Variants in IL23R observed in about 807,000 individuals in gnomAD.
IL23R encodes the protein interleukin-23 receptor.
A neutral mutation model predicts 56.9 loss-of-function variants in IL23R; 34 were observed. The observed-to-expected ratio is 0.60, with a 90% CI of 0.45 to 0.80. The LOEUF (loss-of-function observed/expected upper bound fraction) is 0.80, where lower values mean the gene tolerates loss of function less well. Ranked by LOEUF, IL23R falls within the 30% of genes least tolerant of loss-of-function variation. The pLI, the probability that IL23R is intolerant of heterozygous loss-of-function variation, is 0.00. For synonymous variants in IL23R, 230 were observed against 249.2 expected (o/e 0.92, Z 0.73); for missense variants, 635 against 730.0 (o/e 0.87, Z 1.50).
chr1:67,188,380 T>C (rs1161526966), intron 4 of IL23R, among the ~76,000 whole-genome samples: 1 of 152,230 alleles, frequency 6.6e-6, no homozygotes, highest in Non-Finnish European at 1.5e-5. Flanking sequence ...GATGGGAACC[T>C]GGCAGAAGGG....
intron 5 of IL23R, among the ~76,000 whole-genome samples, chr1:67,201,920 T>A (rs1447583784): frequency 6.6e-6 from 1 of 152,230 alleles, no homozygotes; most frequent in East Asian, 1.9e-4. Context: ...TGTTGGAGAT[T>A]AACACTGTTT....
intron 4 of IL23R, among the ~76,000 whole-genome samples, chr1:67,190,955 A>G (rs1481620810): frequency 6.6e-6 from 1 of 152,194 alleles, no homozygotes; most frequent in Non-Finnish European, 1.5e-5. Flanking sequence ...TACTATTTTT[A>G]AGGCTACGTT....
At chr1:67,187,060 G>A (rs1438563880) in intron 4 of IL23R, among the ~76,000 whole-genome samples, 1 of 151,934 alleles carries the variant, frequency 6.6e-6, no homozygotes, top group East Asian at 1.9e-4. Flanking sequence ...TACACGTTTT[G>A]TGTAGACATA....
upstream of IL23R, among the ~76,000 whole-genome samples, chr1:67,163,468 C>CAAAAAAAAAAAAAAAAA (rs57495148): frequency 4.0e-5 from 2 of 49,608 alleles, no homozygotes; most frequent in Non-Finnish European, 6.5e-5. Context: ...GACCCTGTCT[C>CAAAAAAAAAAAAAAAAA]AAAAAAAAAA....
chr1:67,177,997 A>T (rs1647034122), intron 3 of IL23R, among the ~76,000 whole-genome samples: 1 of 151,540 alleles, frequency 6.6e-6, no homozygotes, highest in Non-Finnish European at 1.5e-5. Context: ...TGGTACCAGT[A>T]TCCTGCTGTT....
At chr1:67,164,079 G>A (rs1301940741), upstream of IL23R, among the ~76,000 whole-genome samples, 1 of 151,978 alleles carries the variant, frequency 6.6e-6, no homozygotes, top group African/African-American at 2.4e-5. Context: ...ACAACCTACA[G>A]AAGGGAAAAA....
chr1:67,238,111 G>T (rs1243860627), intron 8 of IL23R, among the ~76,000 whole-genome samples: 1 of 152,152 alleles, frequency 6.6e-6, no homozygotes, highest in Non-Finnish European at 1.5e-5. Flanking sequence ...ACTTTGGGAG[G>T]CCAAGGCAGG....
intron 10 of IL23R, 27 bp downstream of exon 10, chr1:67,255,954 T>C (rs1378296923): frequency 7.5e-7 from 1 of 1,335,886 alleles, no homozygotes; most frequent in East Asian, 2.3e-5. Context: ...CAACAAAAAC[T>C]GAGTGGCAAT....
intron 7 of IL23R, among the ~76,000 whole-genome samples, chr1:67,227,898 A>G (rs921273616): frequency 1.3e-5 from 2 of 152,206 alleles, no homozygotes; most frequent in Admixed American, 6.5e-5. Context: ...GAAGAGTTCC[A>G]TAATCTCCCT....
intron 4 of IL23R, among the ~76,000 whole-genome samples, chr1:67,184,706 T>C (rs772240948): frequency 2.0e-5 from 3 of 152,172 alleles, no homozygotes; most frequent in African/African-American, 4.8e-5. Flanking sequence ...AAGCATTTAT[T>C]GGACCCTTAC....
rs1033539220 is a variant in IL23R, at chr1:67,228,247, G to T, written c.956-8466G>T. Among the ~76,000 whole-genome samples, 8 of 146,764 alleles carry T rather than the reference G, an allele frequency of 5.5e-5. No individual in the cohort carries two copies. In the East Asian group the frequency reaches 1.6e-3, roughly 29 times the overall value. On this transcript the variant is annotated intron_variant, in intron 7 of 10. Transcript: ENST00000347310. ...CTCTCTCTGTCACCCAGGCTGGAGT[G>T]CAGTGGTGTGATCTCAGCTCATAAG...
At chr1:67,226,528 G>A (rs901106294) in intron 7 of IL23R, among the ~76,000 whole-genome samples, 9 of 152,088 alleles carry the variant, frequency 5.9e-5, no homozygotes, top group East Asian at 1.9e-4. Flanking sequence ...CTTCTCTGCC[G>A]AGCCATTCTG....
At chr1:67,262,780 T>A (rs1240229084), downstream of IL23R, among the ~76,000 whole-genome samples, 1 of 152,156 alleles carries the variant, frequency 6.6e-6, no homozygotes, top group Non-Finnish European at 1.5e-5. Context: ...CATGTCCTGC[T>A]TCTTGGTATG....
intron 8 of IL23R, among the ~76,000 whole-genome samples, chr1:67,239,628 T>G (rs2100326208): frequency 6.6e-6 from 1 of 152,354 alleles, no homozygotes; most frequent in East Asian, 1.9e-4. Flanking sequence ...TTTTTATTTT[T>G]TATTTTTATC....
intron 9 of IL23R, among the ~76,000 whole-genome samples, chr1:67,245,263 A>G (rs1424338667): frequency 2.0e-5 from 3 of 151,950 alleles, no homozygotes; most frequent in Non-Finnish European, 4.4e-5. Flanking sequence ...TGCAGAGACA[A>G]TTTGACATCC....
At chr1:67,261,082 C>CTT (rs34219944), downstream of IL23R, among the ~76,000 whole-genome samples, 1,913 of 144,258 alleles carry the variant, frequency 0.013, 16 homozygotes, top group Non-Finnish European at 0.02. Flanking sequence ...TTTTGTTTTA[C>CTT]TTTTTTTTTT....
In IL23R at chr1:67,242,401, T is replaced by A. The variant is rs188936430; in HGVS notation, c.1148+2120T>A. ...AATACACACATAACAGACCCCCTTT[T>A]CACTTCTATTGTTCATAGAGGCATA... is the stretch of plus-strand genomic sequence containing the variant. On this transcript the variant is annotated intron_variant, in intron 9 of 10. Coordinates refer to ENST00000347310, the MANE Select transcript of IL23R (RefSeq NM_144701.3). Among the ~76,000 whole-genome samples, 525 of 152,274 alleles carry A rather than the reference T, an allele frequency of 3.4e-3. 9 individuals are homozygous for A. The highest frequency in any genetic ancestry group is 1.2e-3 in the Non-Finnish European group (83 of 68,026).
At chr1:67,207,236 CAT>C in intron 6 of IL23R, 181 bp downstream of exon 6, 1 of 728,830 alleles carries the variant, frequency 1.4e-6, no homozygotes, top group Non-Finnish European at 2.4e-6. Context: ...TTCGGGGGCA[CAT>C]GTGCAGGTTT....
rs1648798860 is a variant in IL23R, at chr1:67,203,742, C to T, written c.652+2845C>T. On this transcript the variant is annotated intron_variant, in intron 5 of 10. Transcript: ENST00000347310. ...TATGCCACTGAGAACAGAAGACTGT[C>T]CTGGGAACAATTTCCACATAGCAGC... 2.0e-5 allele frequency among the ~76,000 whole-genome samples: 3 copies of T among 152,186 alleles called. No homozygotes were observed. The South Asian group carries it at 6.2e-4, about 32-fold the overall frequency.
Sources: gnomAD v4.1 joint callset for allele counts (sites outside exome capture counted in the v4.1 genomes callset) on GRCh38, gnomAD v4.1.1 for gene constraint, MANE v1.5 for transcripts, NCBI Gene and HGNC (gene_info 2026-07-23, HGNC 2026-07-21) for gene names.